UCHL3: variants seen among roughly 807,000 people sequenced by gnomAD.
UCHL3 encodes ubiquitin C-terminal hydrolase L3, also known as ubiquitin carboxyl-terminal hydrolase isozyme L3.
In UCHL3, 22 loss-of-function variants were observed where a neutral mutation model predicts 35.8. That is an observed-to-expected ratio of 0.61 (90% CI 0.44 to 0.88). The LOEUF (loss-of-function observed/expected upper bound fraction) is 0.88, where lower values mean the gene tolerates loss of function less well. UCHL3 is among the 40% of genes least tolerant of loss of function. UCHL3 has a pLI of 0.00. For missense variants in UCHL3, 229 were observed against 276.9 expected (o/e 0.83, Z 1.23); for synonymous variants, 90 against 92.8 (o/e 0.97, Z 0.17).
In UCHL3 at chr13:75,577,610, A is replaced by G. The variant is rs555302375; in HGVS notation, c.474+8103A>G. Among the ~76,000 whole-genome samples, 3 of 152,292 alleles carry G rather than the reference A, an allele frequency of 2.0e-5. No individual in the cohort carries two copies. The South Asian group carries it at 6.2e-4, about 32-fold the overall frequency. On this transcript the variant is annotated intron_variant, in intron 6 of 8. Coordinates refer to ENST00000377595, the MANE Select transcript of UCHL3 (RefSeq NM_006002.5). ...ATAGTAAGATTGGCAGGAAGTTCCA[A>G]TTTCATATGGTTTGGGCTTCCACTA...
At chr13:75,578,248 A>G (rs1243535569) in intron 6 of UCHL3, among the ~76,000 whole-genome samples, 2 of 50,834 alleles carry the variant, frequency 3.9e-5, no homozygotes, top group African/African-American at 8.0e-5. Context: ...ACCACAATTT[A>G]TTTTTCATTT....
At chr13:75,549,755 T>A, upstream of UCHL3, 1 of 1,452,180 alleles carries the variant, frequency 6.9e-7, no homozygotes, top group Non-Finnish European at 9.0e-7. Context: ...AAGGCGCGCG[T>A]GGGCGGAAGC....
intron 6 of UCHL3, among the ~76,000 whole-genome samples, chr13:75,578,207 C>T (rs1468709826): frequency 6.6e-6 from 1 of 151,436 alleles, no homozygotes; most frequent in Non-Finnish European, 1.5e-5. Flanking sequence ...ATTAAAAAAA[C>T]CTTTGCTACT....
intron 6 of UCHL3, among the ~76,000 whole-genome samples, chr13:75,582,201 G>A (rs958441852): frequency 6.6e-6 from 1 of 151,876 alleles, no homozygotes; most frequent in Non-Finnish European, 1.5e-5. Flanking sequence ...GAATGTGTGT[G>A]TGTGTTTAAA....
At chr13:75,556,096 A>C (rs1478752176) in intron 2 of UCHL3, among the ~76,000 whole-genome samples, 1 of 152,160 alleles carries the variant, frequency 6.6e-6, no homozygotes, top group Non-Finnish European at 1.5e-5. Context: ...CTGCTGAGTA[A>C]TCTATGTCGA....
At chr13:75,558,348 A>G (rs7319441) in intron 2 of UCHL3, among the ~76,000 whole-genome samples, 87,780 of 151,998 alleles carry the variant, frequency 0.58, 27,084 homozygotes, top group Non-Finnish European at 0.69. Flanking sequence ...TGGCTGACAT[A>G]GAGTAGATTT....
chr13:75,557,026 G>A (rs570853144), intron 2 of UCHL3, among the ~76,000 whole-genome samples: 1 of 152,062 alleles, frequency 6.6e-6, no homozygotes, highest in Admixed American at 6.5e-5. Flanking sequence ...GACCAGCTTG[G>A]GCAACATAGT....
intron 2 of UCHL3, among the ~76,000 whole-genome samples, chr13:75,554,241 T>C (rs2031213852): frequency 1.3e-5 from 2 of 152,146 alleles, no homozygotes; most frequent in African/African-American, 4.8e-5. Context: ...TTTGTATTTT[T>C]TGTAGAGACA....
At chr13:75,603,164 A>G (rs920504255) in intron 7 of UCHL3, among the ~76,000 whole-genome samples, 1 of 152,066 alleles carries the variant, frequency 6.6e-6, no homozygotes, top group Admixed American at 6.6e-5. Flanking sequence ...TAATTTATTA[A>G]TTCTTTGTAA....
At chr13:75,584,674 G>A (rs1291510048) in intron 6 of UCHL3, among the ~76,000 whole-genome samples, 1 of 152,082 alleles carries the variant, frequency 6.6e-6, no homozygotes, top group South Asian at 2.1e-4. Context: ...ATCAGACAGG[G>A]AATTTAAAAT....
intron 2 of UCHL3, among the ~76,000 whole-genome samples, chr13:75,550,231 T>G (rs546326672): frequency 6.6e-6 from 1 of 152,358 alleles, no homozygotes; most frequent in African/African-American, 2.4e-5. Flanking sequence ...TCTTGGGGAC[T>G]CCGGGTCTGA....
intron 6 of UCHL3, among the ~76,000 whole-genome samples, chr13:75,574,809 A>G (rs1347850021): frequency 6.6e-6 from 1 of 152,188 alleles, no homozygotes; most frequent in Non-Finnish European, 1.5e-5. Flanking sequence ...AAGATGGTAC[A>G]TTTACTTTTC....
chr13:75,562,957 T>C (rs2031564115), intron 3 of UCHL3, among the ~76,000 whole-genome samples: 1 of 152,140 alleles, frequency 6.6e-6, no homozygotes, highest in African/African-American at 2.4e-5. Flanking sequence ...AGATCCCTAT[T>C]TCAGCTTATA....
At position 75,594,930 on chromosome 13, in the gene UCHL3, G is replaced by GAGA. The variant is rs1177823154; in HGVS notation, c.492_494dup (p.Lys165dup). 1.2e-6 allele frequency: 2 copies of GAGA among 1,606,804 alleles called. No individual in the cohort carries two copies. The highest frequency in any genetic ancestry group is 2.7e-5 in the African/African-American group (2 of 74,472). ...CCTATTCCAGGCACCAAGTATAGAT[G>GAGA]AGAAAGTAGATCTTCATTTTATTGC... On this transcript the variant is annotated inframe_insertion, in exon 7 of 9. Coordinates refer to ENST00000377595, the MANE Select transcript of UCHL3 (RefSeq NM_006002.5).
At chr13:75,570,261 A>T (rs950143165) in intron 6 of UCHL3, among the ~76,000 whole-genome samples, 7 of 151,596 alleles carry the variant, frequency 4.6e-5, no homozygotes, top group Non-Finnish European at 1.0e-4. Context: ...TTTTTGAGAC[A>T]GAGTCTTGCT....
At chr13:75,564,373 A>G (rs2031617986) in intron 3 of UCHL3, among the ~76,000 whole-genome samples, 2 of 151,856 alleles carry the variant, frequency 1.3e-5, no homozygotes, top group Non-Finnish European at 2.9e-5. Context: ...GATGGTCTCG[A>G]TCTCCTGACC....
chr13:75,557,215 G>GA (rs541626205), intron 2 of UCHL3, among the ~76,000 whole-genome samples: 74 of 143,800 alleles, frequency 5.1e-4, no homozygotes, highest in East Asian at 4.2e-3. Flanking sequence ...GACCCTGTCT[G>GA]AAAAAAAAAA....
rs745524445 is a variant in UCHL3, at chr13:75,605,727, A to G, written c.610-2A>G. 26 of 1,612,736 alleles carry G rather than the reference A, an allele frequency of 1.6e-5. No individual in the cohort carries two copies. Among genetic ancestry groups the G allele is most frequent in the Non-Finnish European group, 2.2e-5 (26 of 1,179,544 alleles). On this transcript the variant is annotated splice_acceptor_variant, in intron 8 of 8. Transcript: ENST00000377595. LOFTEE classifies it high-confidence loss of function. ...AATCATACTTTTTTTTTTCCTCCATAGGATGCCATAGAAGTTTGCAAGAAG... is the reference window on the plus strand; with the variant it reads ...AATCATACTTTTTTTTTTCCTCCATGGGATGCCATAGAAGTTTGCAAGAAG...
chr13:75,562,562 A>G (rs1336416304), intron 3 of UCHL3, among the ~76,000 whole-genome samples: 2 of 152,096 alleles, frequency 1.3e-5, no homozygotes, highest in African/African-American at 4.8e-5. Flanking sequence ...CCTAAAGCTT[A>G]GGGTTTCTTA....
Sources: gnomAD v4.1 joint callset for allele counts (sites outside exome capture counted in the v4.1 genomes callset) on GRCh38, gnomAD v4.1.1 for gene constraint, MANE v1.5 for transcripts, NCBI Gene and HGNC (gene_info 2026-07-23, HGNC 2026-07-21) for gene names.